The following KIZ variants were observed in gnomAD, a reference collection of about 807,000 sequenced individuals.
KIZ encodes centrosomal protein kizuna.
Under a neutral mutation model 79.6 loss-of-function variants are expected in KIZ, and 68 were observed. The ratio of observed to expected loss-of-function variants is 0.85; its 90% CI spans 0.70 to 1.05. The LOEUF (loss-of-function observed/expected upper bound fraction) is 1.05, where lower values mean the gene tolerates loss of function less well. Among genes scored for constraint, KIZ ranks in the 50% least tolerant of loss-of-function variants. The pLI is 0.00. For synonymous variants in KIZ, 280 were observed against 281.8 expected (o/e 0.99, Z 0.06); for missense variants, 797 against 800.4 (o/e 1.00, Z 0.05).
intron 1 of KIZ, among the ~76,000 whole-genome samples, chr20:21,131,628 T>A (rs73900192): frequency 0.13 from 20,160 of 152,184 alleles, 1,936 homozygotes; most frequent in African/African-American, 0.27. Context: ...ACTTATCTTG[T>A]TTATTATTGT....
At chr20:21,193,562 T>A (rs2035204822) in intron 6 of KIZ, among the ~76,000 whole-genome samples, 1 of 152,058 alleles carries the variant, frequency 6.6e-6, no homozygotes, top group African/African-American at 2.4e-5. Flanking sequence ...ACACCTATGT[T>A]TATAGCGGCA....
chr20:21,234,215 C>G (rs1160143990), intron 11 of KIZ, among the ~76,000 whole-genome samples: 2 of 152,056 alleles, frequency 1.3e-5, no homozygotes, highest in Admixed American at 1.3e-4. Flanking sequence ...CACATCTTGT[C>G]TATATTTTAC....
intron 7 of KIZ, 35 bp downstream of exon 7, chr20:21,205,619 A>G (rs765523153): frequency 2.1e-5 from 18 of 874,684 alleles, no homozygotes; most frequent in Middle Eastern, 2.2e-4. Flanking sequence ...TTTCCCAATC[A>G]CAAATGTGGA....
intron 10 of KIZ, 90 bp from the exon 11 acceptor site, chr20:21,232,644 C>T: frequency 1.4e-6 from 1 of 703,288 alleles, no homozygotes; most frequent in Non-Finnish European, 2.6e-6. Context: ...GCGTTTGTTT[C>T]ACCAAACTTA....
chr20:21,237,721 A>C (rs1283249974), intron 11 of KIZ, among the ~76,000 whole-genome samples: 1 of 152,222 alleles, frequency 6.6e-6, no homozygotes, highest in African/African-American at 2.4e-5. Flanking sequence ...ACCTGGCTGC[A>C]CAGCATGCCC....
Position 21,214,858 on chromosome 20 carries a change from A to G in KIZ, c.1612+158A>G, listed in dbSNP as rs561251650. ...TTTTATACCACCTTCCAATAAATAT[A>G]TATGTTCTCCTTTAGTCTAACAGGA... On this transcript the variant is annotated intron_variant, in intron 8 of 12. Transcript: ENST00000619189. Among the ~76,000 whole-genome samples the G allele has an allele frequency of 3.5e-4, 54 of 152,328 alleles. No homozygotes were observed. The South Asian group carries it at 9.7e-3, about 27-fold the overall frequency.
intron 7 of KIZ, among the ~76,000 whole-genome samples, chr20:21,211,424 A>G (rs1186173334): frequency 2.0e-5 from 3 of 152,206 alleles, no homozygotes; most frequent in African/African-American, 7.2e-5. Flanking sequence ...TAGCCTTCAG[A>G]CTGCTGAGAC....
Position 21,242,515 on chromosome 20 carries a change from C to T in KIZ, c.1881-1730C>T, listed in dbSNP as rs192846235. Among the ~76,000 whole-genome samples, 521 of 149,302 alleles carry T rather than the reference C, an allele frequency of 3.5e-3. 1 individual carries two copies. The highest frequency in any genetic ancestry group is 5.5e-3 in the Admixed American group (82 of 14,812). ...TTTGTTGACCAGTGTACTGGCAGTG[C>T]CCAGGGAACTGGTGAGGACTGCAGG... is the stretch of plus-strand genomic sequence containing the variant. On this transcript the variant is annotated intron_variant, in intron 11 of 12. Transcript: ENST00000619189.
chr20:21,187,755 C>T (rs8120293), intron 6 of KIZ, among the ~76,000 whole-genome samples: 63,266 of 152,072 alleles, frequency 0.42, 14,830 homozygotes, highest in African/African-American at 0.65. Flanking sequence ...ACCTTGACAA[C>T]ACCAGATACC....
chr20:21,210,085 A>G (rs760776064), intron 7 of KIZ, among the ~76,000 whole-genome samples: 5 of 152,118 alleles, frequency 3.3e-5, no homozygotes, highest in Admixed American at 6.6e-5. Flanking sequence ...AGGTTGGTGG[A>G]TCACCTGAGG....
At chr20:21,242,342 G>A (rs2037246043) in intron 11 of KIZ, among the ~76,000 whole-genome samples, 1 of 152,242 alleles carries the variant, frequency 6.6e-6, no homozygotes, top group Admixed American at 6.5e-5. Context: ...AGGCATTGAA[G>A]AATTTTAAGC....
At chr20:21,168,114 C>G (rs1600436499) in intron 6 of KIZ, among the ~76,000 whole-genome samples, 1 of 152,214 alleles carries the variant, frequency 6.6e-6, no homozygotes, top group East Asian at 1.9e-4. Flanking sequence ...TGCTCCCCTT[C>G]CTGTGTCCAT....
chr20:21,162,167 G>A lies in KIZ; in HGVS notation c.702G>A (p.Glu234=). 1 of 1,611,190 alleles carries A rather than the reference G, an allele frequency of 6.2e-7. No homozygotes were observed. Residue 234 remains glutamate, a synonymous_variant, in exon 5 of 13, where the codon GAG becomes GAA. Coordinates refer to ENST00000619189, the MANE Select transcript of KIZ (RefSeq NM_018474.6). ...IDGKASLQIG[E]KMPVTASVLS... ...GAAAGGCATCTCTTCAGATTGGTGA[G>A]AAAATGCCAGTCACAGCCAGTGTAT...
chr20:21,156,582 T>C (rs2033392784), intron 4 of KIZ, among the ~76,000 whole-genome samples: 1 of 152,142 alleles, frequency 6.6e-6, no homozygotes, highest in Non-Finnish European at 1.5e-5. Context: ...TAATAATAAA[T>C]GACTTTGTTA....
rs1253707436 is a variant in KIZ, at chr20:21,162,911, G to T, written c.1104G>T (p.Glu368Asp). 1 of 1,613,516 alleles carries T rather than the reference G, an allele frequency of 6.2e-7. No homozygotes were observed. The highest frequency in any genetic ancestry group is 8.5e-7 in the Non-Finnish European group (1 of 1,179,744). ...QKPFRKMQEE[E>D]EESWSTSSDL... ...CCTTCAGAAAAATGCAGGAAGAGGA[G>T]GAGGAAAGTTGGAGCACCAGCAGTG... Residue 368 changes from glutamate (E) to aspartate (D), a missense_variant, in exon 6 of 13, where the codon GAG (glutamate) becomes GAT (aspartate). Physicochemically the swap from Glu to Asp is conservative, Grantham distance 45. Transcript: ENST00000619189.
intron 3 of KIZ, among the ~76,000 whole-genome samples, chr20:21,142,679 C>G (rs982512071): frequency 6.6e-6 from 1 of 151,946 alleles, no homozygotes; most frequent in African/African-American, 2.4e-5. Context: ...CTAGTCCCAG[C>G]TATTTGCGAG....
At chr20:21,220,252 G>T (rs2036459470) in intron 9 of KIZ, among the ~76,000 whole-genome samples, 1 of 151,594 alleles carries the variant, frequency 6.6e-6, no homozygotes, top group Non-Finnish European at 1.5e-5. Context: ...ACAAAAGATG[G>T]TATCCCTGCC....
At chr20:21,147,602 A>G (rs1600384146) in intron 4 of KIZ, among the ~76,000 whole-genome samples, 1 of 152,184 alleles carries the variant, frequency 6.6e-6, no homozygotes, top group Non-Finnish European at 1.5e-5. Flanking sequence ...GGTTGAATCA[A>G]TAAATAGTTG....
At chr20:21,185,671 A>T (rs1039572402) in intron 6 of KIZ, among the ~76,000 whole-genome samples, 1 of 150,940 alleles carries the variant, frequency 6.6e-6, no homozygotes, top group Non-Finnish European at 1.5e-5. Context: ...TTAGCCTCCC[A>T]AAGTGCTGGG....
Sources: allele counts gnomAD v4.1 joint callset (sites outside exome capture counted in the v4.1 genomes callset), GRCh38; gene constraint gnomAD v4.1.1; transcripts MANE v1.5; gene names NCBI Gene and HGNC (gene_info 2026-07-23, HGNC 2026-07-21).